Variants in ZBTB20 observed in about 807,000 individuals in gnomAD.
The protein encoded by ZBTB20 is zinc finger and BTB domain containing 20.
A neutral mutation model predicts 56.9 loss-of-function variants in ZBTB20; 9 were observed. The ratio of observed to expected loss-of-function variants is 0.16; its 90% CI spans 0.10 to 0.28. The LOEUF is 0.28. Among genes scored for constraint, ZBTB20 ranks in the 10% least tolerant of loss-of-function variants. The pLI is 1.00. For missense variants in ZBTB20, 655 were observed against 1,003.0 expected (o/e 0.65, Z 4.69); for synonymous variants, 417 against 420.7 (o/e 0.99, Z 0.11).
chr3:115,122,227 G>T (rs1005872602), intron 1 of ZBTB20, among the ~76,000 whole-genome samples: 1 of 152,010 alleles, frequency 6.6e-6, no homozygotes, highest in Non-Finnish European at 1.5e-5. Flanking sequence ...GATGAGAGAT[G>T]AATTTCTAAT....
At chr3:114,972,230 G>A (rs1280140363) in intron 3 of ZBTB20, among the ~76,000 whole-genome samples, 1 of 152,192 alleles carries the variant, frequency 6.6e-6, no homozygotes, top group Admixed American at 6.5e-5. Context: ...ATTAAAGTGA[G>A]TCCATTTCAT....
At chr3:114,360,511 T>A (rs1007232952) in intron 10 of ZBTB20, among the ~76,000 whole-genome samples, 3 of 138,780 alleles carry the variant, frequency 2.2e-5, no homozygotes, top group African/African-American at 8.6e-5. Flanking sequence ...CTCGGCTAAT[T>A]TTTTTTTTTT....
chr3:114,739,926 A>T (rs1006290381), intron 5 of ZBTB20, among the ~76,000 whole-genome samples: 7 of 152,164 alleles, frequency 4.6e-5, no homozygotes, highest in Non-Finnish European at 7.3e-5. Context: ...ATGCTTATGT[A>T]CACATGGTGT....
intron 6 of ZBTB20, among the ~76,000 whole-genome samples, chr3:114,668,789 T>A (rs1399205887): frequency 2.0e-5 from 3 of 152,018 alleles, no homozygotes; most frequent in Non-Finnish European, 2.9e-5. Context: ...AAAATATACA[T>A]CTATGCAGAA....
intron 2 of ZBTB20, among the ~76,000 whole-genome samples, chr3:115,049,517 T>C (rs771060834): frequency 7.2e-5 from 11 of 152,152 alleles, no homozygotes; most frequent in East Asian, 1.9e-4. Context: ...ACATATACCT[T>C]ATATACGTAG....
intron 4 of ZBTB20, among the ~76,000 whole-genome samples, chr3:114,844,538 A>AAAAAAC (rs2074576777): frequency 1.5e-5 from 2 of 137,834 alleles, no homozygotes; most frequent in South Asian, 2.2e-4. Context: ...AAAAAAAAAA[A>AAAAAAC]AAAAAAAAAA....
chr3:114,453,340 A>G (rs570333158), intron 7 of ZBTB20, among the ~76,000 whole-genome samples: 1 of 152,306 alleles, frequency 6.6e-6, no homozygotes, highest in South Asian at 2.1e-4. Context: ...AGAAACAAAA[A>G]TAAAATACAA....
chr3:114,979,320 G>A (rs2078236721), intron 2 of ZBTB20, among the ~76,000 whole-genome samples: 7 of 151,944 alleles, frequency 4.6e-5, no homozygotes, highest in Admixed American at 4.6e-4. Context: ...AACATAAGAT[G>A]CTCCAAATCA....
intron 5 of ZBTB20, among the ~76,000 whole-genome samples, chr3:114,702,107 G>A (rs1578418189): frequency 6.6e-6 from 1 of 152,274 alleles, no homozygotes; most frequent in East Asian, 1.9e-4. Flanking sequence ...GGAGGCTGAG[G>A]TGGGTGCATG....
At chr3:114,809,745 C>T (rs778916667) in intron 4 of ZBTB20, among the ~76,000 whole-genome samples, 10 of 152,024 alleles carry the variant, frequency 6.6e-5, no homozygotes, top group Non-Finnish European at 1.2e-4. Context: ...GGGTATGAGT[C>T]ACACTCCTGT....
At chr3:114,885,793 G>A (rs1231654650) in intron 4 of ZBTB20, among the ~76,000 whole-genome samples, 3 of 152,028 alleles carry the variant, frequency 2.0e-5, no homozygotes, top group Admixed American at 2.0e-4. Context: ...TCTGTCCTCT[G>A]AGCATACAAT....
intron 5 of ZBTB20, among the ~76,000 whole-genome samples, chr3:114,791,346 T>A (rs2108807683): frequency 6.6e-6 from 1 of 152,298 alleles, no homozygotes; most frequent in East Asian, 1.9e-4. Context: ...AAATGAGAGC[T>A]TTCCATGCAA....
At chr3:115,009,802 T>C (rs1162297145) in intron 2 of ZBTB20, among the ~76,000 whole-genome samples, 1 of 151,852 alleles carries the variant, frequency 6.6e-6, no homozygotes, top group Admixed American at 6.6e-5. Context: ...TTCTACCACG[T>C]TGGGATACAG....
At chr3:114,401,312 G>T (rs1009120371) in intron 7 of ZBTB20, among the ~76,000 whole-genome samples, 1 of 152,096 alleles carries the variant, frequency 6.6e-6, no homozygotes, top group Admixed American at 6.6e-5. Flanking sequence ...TAAAGTATTT[G>T]AAAGTATCCC....
At chr3:115,139,194 G>A (rs1463732872) in intron 1 of ZBTB20, among the ~76,000 whole-genome samples, 1 of 152,036 alleles carries the variant, frequency 6.6e-6, no homozygotes, top group Non-Finnish European at 1.5e-5. Flanking sequence ...AGCTGTGGGT[G>A]GATGTGAGGA....
At chr3:114,543,114 C>A (rs1001895073) in intron 6 of ZBTB20, among the ~76,000 whole-genome samples, 1 of 152,008 alleles carries the variant, frequency 6.6e-6, no homozygotes, top group Admixed American at 6.6e-5. Flanking sequence ...TATGAAGTGG[C>A]ACAGTATTTA....
chr3:114,323,997 A>G lies in ZBTB20; in HGVS notation c.*15008T>C, dbSNP rs1457614640. The G allele has an allele frequency of 6.6e-6, 1 of 152,212 alleles. No homozygotes were observed. Among genetic ancestry groups the G allele is most frequent in the African/African-American group, 2.4e-5 (1 of 41,442 alleles). The allele number at this position is 152,212 out of a possible 1,614,324, so 9.4% of individuals were successfully genotyped here. On this transcript the variant is annotated 3_prime_UTR_variant, in exon 12 of 12. Coordinates refer to ENST00000675478, the MANE Select transcript of ZBTB20 (RefSeq NM_001348800.3). ...TATAACCCAAAGCTCAACTCTAAAC[A>G]GCTCTTACAAAGGTTACCAGTGCTA...
At chr3:114,438,304 T>C (rs145476573) in intron 7 of ZBTB20, among the ~76,000 whole-genome samples, 8 of 151,970 alleles carry the variant, frequency 5.3e-5, no homozygotes, top group African/African-American at 1.7e-4. Context: ...TAATGTTAGG[T>C]GCTCATTTTA....
intron 4 of ZBTB20, among the ~76,000 whole-genome samples, chr3:114,890,391 A>G (rs1219924375): frequency 1.3e-5 from 2 of 152,236 alleles, no homozygotes; most frequent in African/African-American, 4.8e-5. Context: ...AATGAAAACA[A>G]TAAGAACCTA....
Sources: allele counts gnomAD v4.1 joint callset (sites outside exome capture counted in the v4.1 genomes callset), GRCh38; gene constraint gnomAD v4.1.1; transcripts MANE v1.5; gene names NCBI Gene and HGNC (gene_info 2026-07-23, HGNC 2026-07-21).